The following FRK variants were observed in gnomAD, a reference collection of about 807,000 sequenced individuals.
The protein encoded by FRK is fyn related Src family tyrosine kinase, also known as tyrosine-protein kinase FRK.
In FRK, 51 loss-of-function variants were observed where a neutral mutation model predicts 56.4. That is an observed-to-expected ratio of 0.90 (90% confidence interval 0.72 to 1.14). The LOEUF is 1.14. Among genes scored for constraint, FRK ranks in the 50% most tolerant of loss-of-function variants. The probability of loss-of-function intolerance (pLI) is 0.00; values close to 1 mark genes in which losing one functional copy is unlikely to be tolerated. For synonymous variants in FRK, 245 were observed against 217.9 expected, an observed-to-expected ratio of 1.12 and a Z score of -1.10; for missense variants, 570 against 601.4, an observed-to-expected ratio of 0.95 and a Z score of 0.55.
the FRK span, among the ~76,000 whole-genome samples, chr6:116,084,526 AG>A: frequency 1.3e-5 from 2 of 152,216 alleles, no homozygotes; most frequent in African/African-American, 4.8e-5. Context: ...ATCTCCTAGC[AG>A]TCTAGTTCAG....
intron 1 of FRK, among the ~76,000 whole-genome samples, chr6:116,013,932 T>A (rs1322162096): frequency 6.6e-6 from 1 of 152,146 alleles, no homozygotes; most frequent in Non-Finnish European, 1.5e-5. Context: ...TCCCTTTTCC[T>A]ATACTAGAGG....
chr6:115,994,653 T>G (rs186647797), intron 2 of FRK, among the ~76,000 whole-genome samples: 153 of 152,182 alleles, frequency 1.0e-3, no homozygotes, highest in Middle Eastern at 3.4e-3. Flanking sequence ...TTCTCAAAAT[T>G]TATATATTGA....
At chr6:116,056,428 C>T (rs1424059694) in intron 1 of FRK, among the ~76,000 whole-genome samples, 1 of 152,058 alleles carries the variant, frequency 6.6e-6, no homozygotes, top group African/African-American at 2.4e-5. Flanking sequence ...CACTATGTTG[C>T]TCAGCCTGTT....
rs115629211 is a variant in FRK at position 116,022,127 on chromosome 6, C to G, written c.345-18129G>C. Among the ~76,000 whole-genome samples the G allele has an allele frequency of 7.9e-3, 1,197 of 151,944 alleles. 14 individuals carry two copies. The highest frequency in any genetic ancestry group is 0.027 in the African/African-American group (1,114 of 41,504). ...GTACCCAAAATAACACAAGAAGAAACAGAAAATATTAATAACCCTATATTT... is the reference window on the plus strand; with the variant it reads ...GTACCCAAAATAACACAAGAAGAAAGAGAAAATATTAATAACCCTATATTT... On this transcript the variant is annotated intron_variant, in intron 1 of 7. Coordinates refer to ENST00000606080, the MANE Select transcript of FRK (RefSeq NM_002031.3).
At chr6:116,019,262 G>A (rs1323144162) in intron 1 of FRK, among the ~76,000 whole-genome samples, 5 of 152,086 alleles carry the variant, frequency 3.3e-5, no homozygotes. Context: ...ACAACACATG[G>A]TATTAAATAA....
intron 2 of FRK, among the ~76,000 whole-genome samples, chr6:115,981,933 T>C (rs1385466152): frequency 6.6e-6 from 1 of 152,118 alleles, no homozygotes; most frequent in Non-Finnish European, 1.5e-5. Flanking sequence ...GGACCCATGC[T>C]GTTTATTTCA....
the FRK span, among the ~76,000 whole-genome samples, chr6:116,080,359 T>C: frequency 2.6e-5 from 4 of 152,162 alleles, no homozygotes; most frequent in Non-Finnish European, 4.4e-5. Context: ...TTTCACCATG[T>C]TAGCCAGGAT....
chr6:115,989,917 A>T (rs1014075579), intron 2 of FRK, among the ~76,000 whole-genome samples: 1 of 151,880 alleles, frequency 6.6e-6, no homozygotes, highest in Non-Finnish European at 1.5e-5. Flanking sequence ...GTGCACAAGC[A>T]TTCCCTTTTC....
chr6:116,032,458 A>G (rs1776336398), intron 1 of FRK, among the ~76,000 whole-genome samples: 1 of 152,008 alleles, frequency 6.6e-6, no homozygotes, highest in Admixed American at 6.6e-5. Context: ...GAATAAGTAT[A>G]GAGAAAAAAA....
the FRK span, among the ~76,000 whole-genome samples, chr6:116,094,655 A>C: frequency 6.6e-6 from 1 of 152,276 alleles, no homozygotes; most frequent in Non-Finnish European, 1.5e-5. Flanking sequence ...GCAGTCTTAC[A>C]CTACCAAAGC....
At chr6:115,994,259 A>G (rs979368238) in intron 2 of FRK, among the ~76,000 whole-genome samples, 3 of 151,544 alleles carry the variant, frequency 2.0e-5, no homozygotes, top group Admixed American at 2.0e-4. Flanking sequence ...TGGCTTATCA[A>G]AGAATTGGGG....
chr6:116,046,814 T>C (rs924417911), intron 1 of FRK, among the ~76,000 whole-genome samples: 1 of 151,994 alleles, frequency 6.6e-6, no homozygotes, highest in African/African-American at 2.4e-5. Flanking sequence ...CTTGAATAGA[T>C]AGATCTGAGT....
In FRK at chr6:115,937,677, C is replaced by A. The variant is rs1772076692; in HGVS notation, c.*4737G>T. On this transcript the variant is annotated 3_prime_UTR_variant, in exon 8 of 8. Transcript: ENST00000606080. ...GAAAAAAAAAGCAGGGGTTGCAATC[C>A]TAGTCTCTGATAAAACAGACTTTAA... 1 of 152,112 alleles carries A rather than the reference C, an allele frequency of 6.6e-6. No individual in the cohort carries two copies. Among genetic ancestry groups the A allele is most frequent in the African/African-American group, 2.4e-5 (1 of 41,412 alleles). The allele number at this position is 152,112 out of a possible 1,614,324, so 9.4% of individuals were successfully genotyped here.
intron 1 of FRK, chr6:116,038,822 G>T (rs1776592899): frequency 3.9e-6 from 2 of 513,108 alleles, no homozygotes; most frequent in Admixed American, 4.6e-5. Flanking sequence ...GAGCCTGGGG[G>T]AGCTCATCCG....
chr6:116,051,958 T>G (rs1777193264), intron 1 of FRK, among the ~76,000 whole-genome samples: 3 of 152,130 alleles, frequency 2.0e-5, no homozygotes, highest in Admixed American at 2.0e-4. Context: ...AAAACTGAAA[T>G]TACAAGTCTG....
chr6:115,959,264 A>T (rs977952306), intron 4 of FRK, among the ~76,000 whole-genome samples: 1 of 152,222 alleles, frequency 6.6e-6, no homozygotes, highest in Admixed American at 6.5e-5. Context: ...TGTGGCTATT[A>T]CACTGTAAAT....
At chr6:116,044,970 C>T (rs1397977997) in intron 1 of FRK, among the ~76,000 whole-genome samples, 1 of 152,132 alleles carries the variant, frequency 6.6e-6, no homozygotes, top group Non-Finnish European at 1.5e-5. Flanking sequence ...CATGAGTGAA[C>T]TCTCATTCAC....
At chr6:115,959,850 A>C (rs114674309) in intron 4 of FRK, among the ~76,000 whole-genome samples, 266 of 152,314 alleles carry the variant, frequency 1.7e-3, no homozygotes, top group African/African-American at 6.2e-3. Context: ...ACACAGATTT[A>C]TCTTATATCG....
intron 2 of FRK, among the ~76,000 whole-genome samples, chr6:115,995,073 C>T (rs962304646): frequency 3.3e-5 from 5 of 152,122 alleles, no homozygotes; most frequent in Non-Finnish European, 7.4e-5. Context: ...TGATCTGATG[C>T]GTAGGTCAAA....
Sources: gnomAD v4.1 joint callset for allele counts (sites outside exome capture counted in the v4.1 genomes callset) on GRCh38, gnomAD v4.1.1 for gene constraint, MANE v1.5 for transcripts, NCBI Gene and HGNC (gene_info 2026-07-23, HGNC 2026-07-21) for gene names.